TMEM229B: variants seen among roughly 807,000 people sequenced by gnomAD.
TMEM229B encodes the protein chromosome 14 open reading frame 83.
In TMEM229B, 6 loss-of-function variants were observed where a neutral mutation model predicts 13.7. The ratio of observed to expected loss-of-function variants is 0.44; its 90% CI spans 0.24 to 0.86. The LOEUF (loss-of-function observed/expected upper bound fraction) is 0.86. TMEM229B is among the 40% of genes least tolerant of loss of function. The pLI, the probability that TMEM229B is intolerant of heterozygous loss-of-function variation, is 0.23. For missense variants in TMEM229B, 170 were observed against 236.0 expected (o/e 0.72, Z 1.83); for synonymous variants, 107 against 102.1 (o/e 1.05, Z -0.29).
chr14:67,512,782 G>A (rs56308706), intron 1 of TMEM229B, among the ~76,000 whole-genome samples: 1 of 152,124 alleles, frequency 6.6e-6, no homozygotes, highest in Non-Finnish European at 1.5e-5. Flanking sequence ...CTGTACACCA[G>A]GAAAAAGCCC....
At chr14:67,484,511 A>G (rs2031762141) in intron 2 of TMEM229B, among the ~76,000 whole-genome samples, 1 of 152,256 alleles carries the variant, frequency 6.6e-6, no homozygotes, top group Non-Finnish European at 1.5e-5. Flanking sequence ...ACAGAATGAC[A>G]TAGAAAGCAA....
intron 1 of TMEM229B, among the ~76,000 whole-genome samples, chr14:67,530,922 C>G (rs901479083): frequency 6.6e-6 from 1 of 152,200 alleles, no homozygotes; most frequent in Non-Finnish European, 1.5e-5. Flanking sequence ...TCACCTCTCA[C>G]GTCCCATGGC....
At chr14:67,497,412 GT>G (rs2140175614) in intron 1 of TMEM229B, among the ~76,000 whole-genome samples, 1 of 152,140 alleles carries the variant, frequency 6.6e-6, no homozygotes, top group South Asian at 2.1e-4. Flanking sequence ...CCTCCTTCCA[GT>G]GCCGGGATGA....
chr14:67,506,357 AC>A (rs1040745279), intron 1 of TMEM229B, among the ~76,000 whole-genome samples: 4 of 152,162 alleles, frequency 2.6e-5, no homozygotes, highest in African/African-American at 9.7e-5. Flanking sequence ...AACTAATCCC[AC>A]TGGATAAACA....
chr14:67,506,396 G>A (rs1460833665), intron 1 of TMEM229B, among the ~76,000 whole-genome samples: 9 of 152,156 alleles, frequency 5.9e-5, no homozygotes. Context: ...GCAAAATTAA[G>A]TTGCTTGATG....
chr14:67,499,845 A>T (rs199883021), intron 1 of TMEM229B, among the ~76,000 whole-genome samples: 1 of 15,126 alleles, frequency 6.6e-5, no homozygotes, highest in Non-Finnish European at 3.2e-4. Flanking sequence ...ACAAAGGGTT[A>T]AAAAAAAAAA....
upstream of TMEM229B, among the ~76,000 whole-genome samples, chr14:67,492,430 C>T (rs1391007304): frequency 1.3e-5 from 2 of 152,218 alleles, no homozygotes; most frequent in African/African-American, 4.8e-5. Flanking sequence ...AGCAAGCCTT[C>T]TCCTGTCAGT....
intron 1 of TMEM229B, among the ~76,000 whole-genome samples, chr14:67,514,553 C>T (rs1452710368): frequency 6.6e-6 from 1 of 152,028 alleles, no homozygotes; most frequent in African/African-American, 2.4e-5. Context: ...GGGGAGAAGG[C>T]GGCGGGGTCA....
chr14:67,499,904 A>G (rs952580532), intron 1 of TMEM229B, among the ~76,000 whole-genome samples: 1 of 152,080 alleles, frequency 6.6e-6, no homozygotes, highest in Admixed American at 6.6e-5. Flanking sequence ...CCACCATCTG[A>G]AGACACCTGG....
chr14:67,495,486 ATTTTT>A (rs879609292), intron 1 of TMEM229B, among the ~76,000 whole-genome samples: 1 of 144,412 alleles, frequency 6.9e-6, no homozygotes, highest in East Asian at 2.0e-4. Context: ...AGCCTTCTGG[ATTTTT>A]TTTTTTTTCA....
At chr14:67,480,035 A>T (rs1313827081) in intron 2 of TMEM229B, among the ~76,000 whole-genome samples, 2 of 152,196 alleles carry the variant, frequency 1.3e-5, no homozygotes, top group African/African-American at 4.8e-5. Flanking sequence ...CCTTGTAGGT[A>T]AAGTGAGGAT....
upstream of TMEM229B, among the ~76,000 whole-genome samples, chr14:67,491,368 G>T (rs916350213): frequency 1.3e-5 from 2 of 152,122 alleles, no homozygotes; most frequent in South Asian, 4.1e-4. Flanking sequence ...AGGTTGGAGG[G>T]TGAGGCCAAA....
chr14:67,531,568 C>T (rs1350754570), intron 1 of TMEM229B, among the ~76,000 whole-genome samples: 1 of 151,744 alleles, frequency 6.6e-6, no homozygotes, highest in African/African-American at 2.4e-5. Context: ...CATGCTCCTC[C>T]CATTCCACTC....
chr14:67,527,046 G>A (rs1483242035), intron 1 of TMEM229B, among the ~76,000 whole-genome samples: 1 of 152,226 alleles, frequency 6.6e-6, no homozygotes, highest in Non-Finnish European at 1.5e-5. Flanking sequence ...TTCTATCCAT[G>A]TGTTTCACTT....
intron 2 of TMEM229B, 64 bp from the exon 3 acceptor site, chr14:67,474,005 C>A: frequency 6.9e-7 from 1 of 1,456,774 alleles, no homozygotes; most frequent in African/African-American, 1.4e-5. Flanking sequence ...ATAATCCCTG[C>A]GCTTTGGGAG....
upstream of TMEM229B, among the ~76,000 whole-genome samples, chr14:67,489,775 G>A (rs922189216): frequency 7.2e-5 from 11 of 152,286 alleles, no homozygotes; most frequent in African/African-American, 2.4e-4. Context: ...CGGATCACGA[G>A]GTCAGGAGAT....
chr14:67,506,105 A>G (rs1309835608), intron 1 of TMEM229B, among the ~76,000 whole-genome samples: 2 of 152,214 alleles, frequency 1.3e-5, no homozygotes, highest in Non-Finnish European at 2.9e-5. Flanking sequence ...GGAAGCTGGA[A>G]GCCAGCAGAG....
chr14:67,508,031 G>A (rs549149244), intron 1 of TMEM229B, among the ~76,000 whole-genome samples: 42 of 151,874 alleles, frequency 2.8e-4, no homozygotes, highest in Non-Finnish European at 5.6e-4. Flanking sequence ...CCAGCTACTC[G>A]GGAGGCTGAG....
chr14:67,518,094 G>C (rs994376587), upstream of TMEM229B, among the ~76,000 whole-genome samples: 1 of 152,202 alleles, frequency 6.6e-6, no homozygotes, highest in Non-Finnish European at 1.5e-5. Context: ...CAGTAATCAT[G>C]GTTCTAGTGA....
Sources: allele counts gnomAD v4.1 joint callset (sites outside exome capture counted in the v4.1 genomes callset), GRCh38; gene constraint gnomAD v4.1.1; transcripts MANE v1.5; gene names NCBI Gene and HGNC (gene_info 2026-07-23, HGNC 2026-07-21).